NAT10: variants seen among roughly 807,000 people sequenced by gnomAD.
The protein encoded by NAT10 is RNA cytidine acetyltransferase.
Under a neutral mutation model 132.2 loss-of-function variants are expected in NAT10, and 109 were observed. The ratio of observed to expected loss-of-function variants is 0.82; its 90% confidence interval spans 0.71 to 0.97. NAT10 has a LOEUF of 0.97. Among genes scored for constraint, NAT10 ranks in the 50% least tolerant of loss-of-function variants. The probability of loss-of-function intolerance (pLI) is 0.00; values close to 1 mark genes in which losing one functional copy is unlikely to be tolerated. For synonymous variants in NAT10, 479 were observed against 478.0 expected, an observed-to-expected ratio of 1.00 and a Z score of -0.03; for missense variants, 1,184 against 1,263.4, an observed-to-expected ratio of 0.94 and a Z score of 0.95.
Position 34,134,318 on chromosome 11 carries a change from G to T in NAT10, c.1735-1G>T. The T allele has an allele frequency of 6.2e-7, 1 of 1,613,698 alleles. No homozygotes were observed. The highest frequency in any genetic ancestry group is 1.7e-5 in the Admixed American group (1 of 60,026). On this transcript the variant is annotated splice_acceptor_variant, in intron 16 of 28. Coordinates refer to ENST00000257829, the MANE Select transcript of NAT10 (RefSeq NM_024662.3). LOFTEE classifies it high-confidence loss of function. ...CCTGCACTGTCCTGCTTCCCCCACA[G>T]GTGTGCCTTGAAGGGGAGATTTCTC... is the stretch of plus-strand genomic sequence containing the variant.
In NAT10 at chr11:34,124,368, A is replaced by T. The variant is rs1306960471; in HGVS notation, c.1075A>T (p.Asn359Tyr). The T allele has an allele frequency of 6.2e-7, 1 of 1,613,976 alleles. No individual in the cohort carries two copies. The highest frequency in any genetic ancestry group is 8.5e-7 in the Non-Finnish European group (1 of 1,179,914). The change falls in exon 11 of 29, where the codon AAT becomes TAT. Residue 359 changes from asparagine to tyrosine, a missense_variant. Physicochemically the swap from Asn to Tyr is moderately radical, Grantham distance 143. Coordinates refer to ENST00000257829, the MANE Select transcript of NAT10 (RefSeq NM_024662.3). ...ATTTAACAAAGCAGTGATCAGAGTG[A>T]ATGTATTTCGAGAACACAGGCAGAC... ...PEFNKAVIRV[N>Y]VFREHRQTIQ... is the part of the protein sequence containing the mutation.
chr11:34,108,894 C>G (rs755759283), intron 3 of NAT10, 61 bp downstream of exon 3: 25 of 1,448,672 alleles, frequency 1.7e-5, no homozygotes, highest in Non-Finnish European at 2.4e-5. Context: ...AGTTAAATGC[C>G]AGGAAATGAT....
chr11:34,114,149 A>G (rs1851745866), intron 5 of NAT10, among the ~76,000 whole-genome samples: 1 of 152,212 alleles, frequency 6.6e-6, no homozygotes, highest in East Asian at 1.9e-4. Flanking sequence ...ACAAGGAGCA[A>G]TGCCAGTGCC....
rs906955870 is a variant in NAT10, at chr11:34,143,328, C to T, written c.2886-117C>T. ...CTGCTGTTCAAATGCTGACACAGCT[C>T]AGCCTGGCTTTCATGACAGGAAGTG... is the stretch of plus-strand genomic sequence containing the variant. On this transcript the variant is annotated intron_variant, in intron 27 of 28. Coordinates refer to ENST00000257829, the MANE Select transcript of NAT10 (RefSeq NM_024662.3). 14 of 868,204 alleles carry T rather than the reference C, an allele frequency of 1.6e-5. No individual in the cohort carries two copies. The African/African-American group carries it at 2.0e-4, about 13-fold the overall frequency. 53.8% of individuals were successfully genotyped at this position (868,204 alleles called of 1,614,324 possible). A position where few individuals can be genotyped will look rare whatever the true frequency, so the allele number is the denominator to read the frequency against.
At chr11:34,132,040 T>C in intron 14 of NAT10, 85 bp from the exon 15 acceptor site, 1 of 984,384 alleles carries the variant, frequency 1.0e-6, no homozygotes, top group African/African-American at 1.6e-5. Flanking sequence ...TGTTCCCAGC[T>C]ACGGAAATTT....
Position 34,133,350 on chromosome 11 carries a change from G to A in NAT10, c.1734+208G>A, listed in dbSNP as rs564585154. On this transcript the variant is annotated intron_variant, in intron 16 of 28. Coordinates refer to ENST00000257829, the MANE Select transcript of NAT10 (RefSeq NM_024662.3). ...ACCCAAAGCTCCACTGTTGACGGAC[G>A]GGGAAAAGCCAGAACCGACCGCTCT... Among the ~76,000 whole-genome samples, 5 of 152,254 alleles carry A rather than the reference G, an allele frequency of 3.3e-5. No homozygotes were observed. The South Asian group carries it at 8.3e-4, about 25-fold the overall frequency.
chr11:34,131,516 C>T lies in NAT10; in HGVS notation c.1505C>T (p.Pro502Leu), dbSNP rs1332677834. ...ITRIVSGCPLPEACELYYVNR... is the reference protein window; with the variant it reads ...ITRIVSGCPLLEACELYYVNR... ...CGGATAGTCTCAGGCTGCCCCTTGC[C>T]TGAAGCTTGTGAACTGTATCCTCCT... Residue 502 changes from proline to leucine, a missense_variant, in exon 14 of 29, where the codon CCT becomes CTT. By Grantham distance (98) the Pro-to-Leu change is moderately conservative. Transcript: ENST00000257829. 6.2e-7 allele frequency: 1 copy of T among 1,613,758 alleles called. No homozygotes were observed. Among genetic ancestry groups the T allele is most frequent in the East Asian group, 2.2e-5 (1 of 44,870 alleles).
At chr11:34,142,516 A>G (rs960441146) in intron 27 of NAT10, among the ~76,000 whole-genome samples, 168 bp downstream of exon 27, 1 of 152,084 alleles carries the variant, frequency 6.6e-6, no homozygotes, top group African/African-American at 2.4e-5. Context: ...TGTTTGTATA[A>G]TTTTGGAAGA....
intron 8 of NAT10, among the ~76,000 whole-genome samples, chr11:34,119,506 A>G (rs1303857110): frequency 2.0e-5 from 3 of 152,250 alleles, no homozygotes; most frequent in Admixed American, 1.3e-4. Flanking sequence ...ATCACAAAAG[A>G]GAAGGAGTGA....
chr11:34,131,832 C>T (rs1457640055), intron 14 of NAT10, among the ~76,000 whole-genome samples: 1 of 151,784 alleles, frequency 6.6e-6, no homozygotes, highest in East Asian at 1.9e-4. Flanking sequence ...ATTACAGGTG[C>T]CAGCCACCAC....
At position 34,108,729 on chromosome 11, in the gene NAT10, T is replaced by C; in HGVS notation, c.109-13T>C. 1.2e-6 allele frequency: 2 copies of C among 1,605,050 alleles called. No individual in the cohort carries two copies. The highest frequency in any genetic ancestry group is 1.7e-6 in the Non-Finnish European group (2 of 1,177,228). ...TTTTGTGCCTGAAATTCTGTGACTTTTTTGTTTGGCAGGTGGTAATACTTC... is the reference window on the plus strand; with the variant it reads ...TTTTGTGCCTGAAATTCTGTGACTTCTTTGTTTGGCAGGTGGTAATACTTC... On this transcript the variant is annotated splice_polypyrimidine_tract_variant and intron_variant, in intron 2 of 28. Coordinates refer to ENST00000257829, the MANE Select transcript of NAT10 (RefSeq NM_024662.3).
rs1263575708 is a variant in NAT10, at chr11:34,122,572, T to G, written c.894T>G (p.Ile298Met). 1 of 1,614,154 alleles carries G rather than the reference T, an allele frequency of 6.2e-7. No individual in the cohort carries two copies. Among genetic ancestry groups the G allele is most frequent in the African/African-American group, 1.3e-5 (1 of 75,048 alleles). The change falls in exon 9 of 29, where the codon ATT (isoleucine) becomes ATG (methionine). Residue 298 changes from isoleucine (I) to methionine (M), a missense_variant. Coordinates refer to ENST00000257829, the MANE Select transcript of NAT10 (RefSeq NM_024662.3). ...AATCTGCAGCCCTGGGATTGGCGAT[T>G]GCTGGGGCGGTGGCATTTGGGTAAG... ...RGKSAALGLA[I>M]AGAVAFGYSN... is the part of the protein sequence containing the mutation.
intron 10 of NAT10, among the ~76,000 whole-genome samples, chr11:34,124,072 G>A (rs1851942797): frequency 6.6e-6 from 1 of 152,204 alleles, no homozygotes; most frequent in Non-Finnish European, 1.5e-5. Context: ...GGGAGGCTGA[G>A]GCAGGAGAAT....
At chr11:34,110,559 C>CTTTTTTTTTTTTTTTTTTTTTTTTTTCCT (rs948109196) in intron 3 of NAT10, among the ~76,000 whole-genome samples, 1 of 101,740 alleles carries the variant, frequency 9.8e-6, no homozygotes, top group Non-Finnish European at 1.9e-5. Context: ...TTTTCTTTCC[C>CTTTTTTTTTTTTTTTTTTTTTTTTTTCCT]TTTTTTTTTT....
In NAT10 at chr11:34,131,398, G is replaced by A. The variant is rs760676490; in HGVS notation, c.1387G>A (p.Val463Ile). ...GGGAGCAGCGCGGACACTGTATGAGGTTTCCCTCCAGGAGTCAATCCGATA... is the reference window on the plus strand; with the variant it reads ...GGGAGCAGCGCGGACACTGTATGAGATTTCCCTCCAGGAGTCAATCCGATA... ...RLASARTLYE[V>I]SLQESIRYAP... Residue 463 changes from valine (V) to isoleucine (I), a missense_variant, in exon 14 of 29, where the codon GTT (valine) becomes ATT (isoleucine). Val to Ile is a conservative substitution (Grantham distance 29, BLOSUM62 3). Coordinates refer to ENST00000257829, the MANE Select transcript of NAT10 (RefSeq NM_024662.3). 1.2e-6 allele frequency: 2 copies of A among 1,613,952 alleles called. No homozygotes were observed. The highest frequency in any genetic ancestry group is 1.3e-5 in the African/African-American group (1 of 75,028).
At chr11:34,112,368 GC>G in intron 4 of NAT10, 145 bp downstream of exon 4, 1 of 971,830 alleles carries the variant, frequency 1.0e-6, no homozygotes, top group Non-Finnish European at 1.5e-6. Flanking sequence ...GGAAGTCCTG[GC>G]CACTTTCCAA....
intron 9 of NAT10, among the ~76,000 whole-genome samples, chr11:34,123,241 A>G (rs969649851): frequency 4.6e-5 from 7 of 152,214 alleles, no homozygotes; most frequent in African/African-American, 1.4e-4. Flanking sequence ...CCAGCAAGTC[A>G]GTGCTGATAG....
Position 34,114,674 on chromosome 11 carries a change from G to T in NAT10, c.495+836G>T, listed in dbSNP as rs145787748. On this transcript the variant is annotated intron_variant, in intron 5 of 28. Coordinates refer to ENST00000257829, the MANE Select transcript of NAT10 (RefSeq NM_024662.3). ...CTTCCTCTGGACCTCTGCCTGGCTC[G>T]CTTCCTCATTGCATTCAAGCCCCTG... 1.4e-4 allele frequency among the ~76,000 whole-genome samples: 21 copies of T among 152,160 alleles called. No individual in the cohort carries two copies. In the South Asian group the frequency reaches 3.7e-3, roughly 27 times the overall value.
At position 34,122,480 on chromosome 11, in the gene NAT10, A is replaced by G. The variant is rs371140580; in HGVS notation, c.802A>G (p.Ile268Val). 33 of 1,614,090 alleles carry G rather than the reference A, an allele frequency of 2.0e-5. No individual in the cohort carries two copies. The highest frequency in any genetic ancestry group is 1.6e-4 in the Middle Eastern group (1 of 6,084). Residue 268 changes from isoleucine to valine, a missense_variant, in exon 9 of 29, where the codon ATC becomes GTC. Transcript: ENST00000257829. Reference protein sequence around the residue: ...LDQAKAVLKFIEGISEKTLRS... With the variant: ...LDQAKAVLKFVEGISEKTLRS... ...ACAGGCCAAAGCTGTCTTGAAATTT[A>G]TCGAGGGCATCTCTGAAAAGACCCT...
Sources: gnomAD v4.1 joint callset for allele counts (sites outside exome capture counted in the v4.1 genomes callset) on GRCh38, gnomAD v4.1.1 for gene constraint, MANE v1.5 for transcripts, NCBI Gene and HGNC (gene_info 2026-07-23, HGNC 2026-07-21) for gene names.